The following SDK1 variants were observed in gnomAD, a reference collection of about 807,000 sequenced individuals.
The protein encoded by SDK1 is sidekick cell adhesion molecule 1.
A neutral mutation model predicts 245.5 loss-of-function variants in SDK1; 157 were observed. The ratio of observed to expected loss-of-function variants is 0.64; its 90% CI spans 0.56 to 0.73. The LOEUF (loss-of-function observed/expected upper bound fraction) is 0.73, where lower values mean the gene tolerates loss of function less well. Among genes scored for constraint, SDK1 ranks in the 30% least tolerant of loss-of-function variants. The probability of loss-of-function intolerance (pLI) is 0.00; values close to 1 mark genes in which losing one functional copy is unlikely to be tolerated. For synonymous variants in SDK1, 1,647 were observed against 1,278.5 expected, an observed-to-expected ratio of 1.29 and a Z score of -6.15; for missense variants, 3,583 against 3,002.3, an observed-to-expected ratio of 1.19 and a Z score of -4.52.
chr7:3,459,581 G>A (rs1277027225), intron 1 of SDK1, among the ~76,000 whole-genome samples: 1 of 152,150 alleles, frequency 6.6e-6, no homozygotes, highest in Non-Finnish European at 1.5e-5. Flanking sequence ...GAGGACAAAG[G>A]GACAAAGGAG....
At chr7:4,059,060 A>G (rs891229080) in intron 19 of SDK1, among the ~76,000 whole-genome samples, 6 of 152,226 alleles carry the variant, frequency 3.9e-5, no homozygotes, top group African/African-American at 1.4e-4. Context: ...TCAATTAATA[A>G]TTACTAGAAT....
intron 1 of SDK1, among the ~76,000 whole-genome samples, chr7:3,612,567 C>G (rs1323381390): frequency 6.6e-6 from 1 of 152,222 alleles, no homozygotes; most frequent in Non-Finnish European, 1.5e-5. Flanking sequence ...ATGATACATT[C>G]TGCCCTGTGC....
chr7:4,049,337 C>A lies in SDK1; in HGVS notation c.2603-11C>A, dbSNP rs764272138. On this transcript the variant is annotated splice_polypyrimidine_tract_variant and intron_variant, in intron 17 of 44. Transcript: ENST00000404826. ...TTTGTTCTGCTGTCATCAATGACTGCCCTGCCACAGTGCCCACCGCGCCCC... is the reference window on the plus strand; with the variant it reads ...TTTGTTCTGCTGTCATCAATGACTGACCTGCCACAGTGCCCACCGCGCCCC... 7.5e-6 allele frequency: 12 copies of A among 1,609,394 alleles called. No individual in the cohort carries two copies. The highest frequency in any genetic ancestry group is 1.0e-5 in the Non-Finnish European group (12 of 1,176,206).
At chr7:3,564,453 C>T (rs1221233206) in intron 1 of SDK1, among the ~76,000 whole-genome samples, 1 of 151,926 alleles carries the variant, frequency 6.6e-6, no homozygotes, top group Admixed American at 6.6e-5. Context: ...TGCGCAACTA[C>T]TTTCCATCTT....
At chr7:3,532,614 T>C (rs1783384753) in intron 1 of SDK1, among the ~76,000 whole-genome samples, 1 of 152,214 alleles carries the variant, frequency 6.6e-6, no homozygotes, top group Non-Finnish European at 1.5e-5. Flanking sequence ...ATAACTGTCA[T>C]GTTAACTCCA....
rs147964409 is a variant in SDK1 at position 4,266,761 on chromosome 7, G to A, written c.*1377G>A. Reference sequence around the variant, plus strand: ...CCCGGGTCCCGGGTCTGGATGGAACGGGAGCACTGCTGGTGCCCACTGGCG... The same window carrying A: ...CCCGGGTCCCGGGTCTGGATGGAACAGGAGCACTGCTGGTGCCCACTGGCG... On this transcript the variant is annotated 3_prime_UTR_variant, in exon 45 of 45. Transcript: ENST00000404826. The A allele has an allele frequency of 2.0e-4, 197 of 985,450 alleles. 3 individuals carry two copies. In the East Asian group the frequency reaches 0.015, roughly 73 times the overall value. The allele number at this position is 985,450 out of a possible 1,614,324, so 61.0% of individuals were successfully genotyped here. A position where few individuals can be genotyped will look rare whatever the true frequency, so the allele number is the denominator to read the frequency against.
At chr7:4,199,350 C>G (rs1013358410) in intron 35 of SDK1, among the ~76,000 whole-genome samples, 1 of 152,100 alleles carries the variant, frequency 6.6e-6, no homozygotes, top group East Asian at 1.9e-4. Context: ...GCTCAAGCGT[C>G]TTTTAACTTT....
chr7:4,168,699 A>G (rs1415596749), intron 32 of SDK1, among the ~76,000 whole-genome samples: 2 of 152,150 alleles, frequency 1.3e-5, no homozygotes, highest in African/African-American at 4.8e-5. Context: ...CTTCTGAGGT[A>G]CCAGTTCCTC....
At chr7:3,395,394 CTG>C (rs1021376370) in intron 1 of SDK1, among the ~76,000 whole-genome samples, 57 of 151,722 alleles carry the variant, frequency 3.8e-4, no homozygotes, top group African/African-American at 1.4e-3. Context: ...ATTTTTGCAT[CTG>C]TGTTTGTGAG....
intron 22 of SDK1, among the ~76,000 whole-genome samples, chr7:4,100,908 C>T (rs911360971): frequency 1.3e-5 from 2 of 152,154 alleles, no homozygotes; most frequent in African/African-American, 4.8e-5. Context: ...ATCTGCCCCT[C>T]CTTCCCTGTG....
At chr7:3,997,388 A>G (rs745735738) in intron 14 of SDK1, among the ~76,000 whole-genome samples, 1 of 152,016 alleles carries the variant, frequency 6.6e-6, no homozygotes, top group South Asian at 2.1e-4. Flanking sequence ...CTCAGCAGAG[A>G]GGAGGCCTGG....
rs576921018 is a variant in SDK1 at position 4,073,813 on chromosome 7, G to A, written c.3011-3185G>A. Among the ~76,000 whole-genome samples the A allele has an allele frequency of 5.3e-5, 8 of 152,286 alleles. 1 individual carries two copies. Among genetic ancestry groups the A allele is most frequent in the Admixed American group, 2.0e-4 (3 of 15,304 alleles). On this transcript the variant is annotated intron_variant, in intron 20 of 44. Transcript: ENST00000404826. The stretch of plus-strand genomic sequence containing the variant: ...TCCAAACCCAAAGAATGGACTCAGA[G>A]ACCCGGAGAACAGCGAAAGTGAGAC...
At position 4,087,479 on chromosome 7, in the gene SDK1, G is replaced by GCGCA. The variant is rs1554336240; in HGVS notation, c.3324+7896_3324+7897insGCAC. 9.2e-4 allele frequency among the ~76,000 whole-genome samples: 138 copies of GCGCA among 150,362 alleles called. 1 individual carries two copies. Among genetic ancestry groups the GCGCA allele is most frequent in the African/African-American group, 2.6e-3 (106 of 40,956 alleles). ...TGTGTGTGCACAGACACACACGCGC[G>GCGCA]CACACACACACACACACACGCATTG... On this transcript the variant is annotated intron_variant, in intron 22 of 44. Coordinates refer to ENST00000404826, the MANE Select transcript of SDK1 (RefSeq NM_152744.4).
chr7:3,580,249 A>G, intron 1 of SDK1, among the ~76,000 whole-genome samples: 1 of 152,232 alleles, frequency 6.6e-6, no homozygotes, highest in East Asian at 1.9e-4. Flanking sequence ...TGCTATTCCT[A>G]TCAAACTACC....
At chr7:3,526,522 G>C (rs936011847) in intron 1 of SDK1, among the ~76,000 whole-genome samples, 2 of 152,140 alleles carry the variant, frequency 1.3e-5, no homozygotes, top group Admixed American at 6.5e-5. Context: ...ATGTGTGAGT[G>C]TGTCTCTGAA....
At chr7:4,101,922 C>A (rs1782578250) in intron 22 of SDK1, among the ~76,000 whole-genome samples, 1 of 152,190 alleles carries the variant, frequency 6.6e-6, no homozygotes, top group African/African-American at 2.4e-5. Flanking sequence ...AGAGCCAGCA[C>A]CCCAGGAACC....
chr7:4,137,648 A>T (rs1779180323), intron 28 of SDK1, among the ~76,000 whole-genome samples: 1 of 152,144 alleles, frequency 6.6e-6, no homozygotes, highest in African/African-American at 2.4e-5. Context: ...TAATGCTCAT[A>T]TTATCATAAT....
Position 3,947,530 on chromosome 7 carries a change from T to TTGTGTGTGTG in SDK1, c.848-3363_848-3354dup, listed in dbSNP as rs745830597. The stretch of plus-strand genomic sequence containing the variant: ...TTTCCTTTTAAAAAGAAGTATTTGC[T>TTGTGTGTGTG]TGTGTGTGTGTGTGTGTGTGTGTGT... On this transcript the variant is annotated intron_variant, in intron 5 of 44. Coordinates refer to ENST00000404826, the MANE Select transcript of SDK1 (RefSeq NM_152744.4). Among the ~76,000 whole-genome samples, 255 of 140,452 alleles carry TTGTGTGTGTG rather than the reference T, an allele frequency of 1.8e-3. 2 individuals carry two copies. Among genetic ancestry groups the TTGTGTGTGTG allele is most frequent in the Admixed American group, 4.5e-3 (62 of 13,826 alleles). The allele number at this position is 140,452 out of a possible 152,430, so 92.1% of individuals were successfully genotyped here.
At chr7:3,719,412 A>G (rs1208691594) in intron 4 of SDK1, among the ~76,000 whole-genome samples, 1 of 152,180 alleles carries the variant, frequency 6.6e-6, no homozygotes, top group Non-Finnish European at 1.5e-5. Context: ...CCTGACAGTA[A>G]TCGTGACTGT....
Sources: allele counts gnomAD v4.1 joint callset (sites outside exome capture counted in the v4.1 genomes callset), GRCh38; gene constraint gnomAD v4.1.1; transcripts MANE v1.5; gene names NCBI Gene and HGNC (gene_info 2026-07-23, HGNC 2026-07-21).